The following FTO variants were observed in gnomAD, a reference collection of about 807,000 sequenced individuals.
The protein encoded by FTO is FTO alpha-ketoglutarate dependent dioxygenase.
FTO carries 47 observed loss-of-function variants against 63.9 expected under a neutral mutation model. The observed-to-expected ratio is 0.74, with a 90% CI of 0.58 to 0.94. The LOEUF (loss-of-function observed/expected upper bound fraction) is 0.94. FTO is among the 40% of genes least tolerant of loss of function. The pLI, the probability that FTO is intolerant of heterozygous loss-of-function variation, is 0.00. For missense variants in FTO, 562 were observed against 618.1 expected, an observed-to-expected ratio of 0.91 and a Z score of 0.96; for synonymous variants, 207 against 224.4, an observed-to-expected ratio of 0.92 and a Z score of 0.69.
At chr16:53,705,224 T>C (rs2075567948) in intron 1 of FTO, among the ~76,000 whole-genome samples, 1 of 152,146 alleles carries the variant, frequency 6.6e-6, no homozygotes, top group South Asian at 2.1e-4. Context: ...TTATGTCCCT[T>C]TCCTTTCTCC....
At chr16:54,075,437 C>T (rs1322414270) in intron 8 of FTO, among the ~76,000 whole-genome samples, 5 of 152,168 alleles carry the variant, frequency 3.3e-5, no homozygotes, top group Non-Finnish European at 7.3e-5. Context: ...AGAAAACCAA[C>T]AATTTTATTG....
intron 3 of FTO, among the ~76,000 whole-genome samples, chr16:53,828,199 G>A (rs1476149127): frequency 6.6e-6 from 1 of 152,104 alleles, no homozygotes; most frequent in Non-Finnish European, 1.5e-5. Flanking sequence ...AGAGCGGTGT[G>A]CAAACTCCTT....
intron 8 of FTO, among the ~76,000 whole-genome samples, chr16:53,986,691 A>G (rs566164780): frequency 3.3e-4 from 50 of 152,334 alleles, no homozygotes; most frequent in Admixed American, 2.3e-3. Context: ...AATCTCTAGT[A>G]GAGTGTGTCT....
chr16:54,012,213 C>T (rs1285647648), intron 8 of FTO, among the ~76,000 whole-genome samples: 6 of 152,122 alleles, frequency 3.9e-5, no homozygotes, highest in South Asian at 2.1e-4. Context: ...CTTGCTGATA[C>T]GGAGAGAGTT....
chr16:54,056,420 A>G (rs2085433933), intron 8 of FTO, among the ~76,000 whole-genome samples: 1 of 152,248 alleles, frequency 6.6e-6, no homozygotes, highest in Non-Finnish European at 1.5e-5. Flanking sequence ...AGAATTTCCA[A>G]GATGGCCCCC....
intron 1 of FTO, among the ~76,000 whole-genome samples, chr16:53,748,430 A>G (rs2076698203): frequency 6.6e-6 from 1 of 152,056 alleles, no homozygotes; most frequent in South Asian, 2.1e-4. Flanking sequence ...CTCACTCTTC[A>G]TAGAACTATT....
chr16:53,964,157 C>G (rs1212450516), intron 8 of FTO, among the ~76,000 whole-genome samples: 1 of 152,128 alleles, frequency 6.6e-6, no homozygotes, highest in Non-Finnish European at 1.5e-5. Flanking sequence ...AATTATAGGC[C>G]TTTGTTCAGG....
intron 3 of FTO, among the ~76,000 whole-genome samples, chr16:53,833,965 GA>G (rs1164864798): frequency 6.6e-6 from 1 of 152,020 alleles, no homozygotes; most frequent in Non-Finnish European, 1.5e-5. Context: ...ATGTATTCTA[GA>G]TATTAATTCC....
chr16:54,010,674 T>G (rs2084314457), intron 8 of FTO, among the ~76,000 whole-genome samples: 1 of 152,144 alleles, frequency 6.6e-6, no homozygotes, highest in African/African-American at 2.4e-5. Flanking sequence ...TTTAGGACAA[T>G]GAGAGTCACA....
In FTO at chr16:54,057,279, C is replaced by A. The variant is rs150314141; in HGVS notation, c.1365-54483C>A. Among the ~76,000 whole-genome samples, 6 of 152,364 alleles carry A rather than the reference C, an allele frequency of 3.9e-5. No individual in the cohort carries two copies. In the East Asian group the frequency reaches 1.2e-3, roughly 29 times the overall value. On this transcript the variant is annotated intron_variant, in intron 8 of 8. Coordinates refer to ENST00000471389, the MANE Select transcript of FTO (RefSeq NM_001080432.3). ...CGTGCTACATTGACTCCTTATGGAG[C>A]TGGCTGACCACTGTGGAAGAGAGAG...
At chr16:53,901,401 T>G (rs2081399400) in intron 7 of FTO, among the ~76,000 whole-genome samples, 2 of 152,238 alleles carry the variant, frequency 1.3e-5, no homozygotes, top group African/African-American at 4.8e-5. Context: ...CTTCATTGCC[T>G]CTTGTCCAGG....
At chr16:53,828,186 G>T (rs2151781542) in intron 3 of FTO, among the ~76,000 whole-genome samples, 1 of 152,282 alleles carries the variant, frequency 6.6e-6, no homozygotes, top group South Asian at 2.1e-4. Context: ...ATTTGAATCT[G>T]TAAGAGCGGT....
At chr16:53,823,979 G>A (rs923647872) in intron 2 of FTO, among the ~76,000 whole-genome samples, 1 of 152,192 alleles carries the variant, frequency 6.6e-6, no homozygotes, top group Non-Finnish European at 1.5e-5. Flanking sequence ...TACAACGTAT[G>A]TATTTCATCT....
In FTO at chr16:54,053,114, G is replaced by A. The variant is rs543420097; in HGVS notation, c.1365-58648G>A. On this transcript the variant is annotated intron_variant, in intron 8 of 8. Coordinates refer to ENST00000471389, the MANE Select transcript of FTO (RefSeq NM_001080432.3). ...ATTTTGCTGTAGCAGATTTTACAGA[G>A]ATGAAACCATCTTGCCACTTCTATT... Among the ~76,000 whole-genome samples the A allele has an allele frequency of 5.3e-5, 8 of 152,326 alleles. No homozygotes were observed. In the South Asian group the frequency reaches 1.7e-3, roughly 32 times the overall value.
intron 7 of FTO, among the ~76,000 whole-genome samples, chr16:53,921,683 A>G (rs2082010703): frequency 6.6e-6 from 1 of 152,208 alleles, no homozygotes; most frequent in South Asian, 2.1e-4. Context: ...AGTATTAATT[A>G]TGTGAAATGT....
intron 8 of FTO, among the ~76,000 whole-genome samples, chr16:53,970,234 C>A (rs545969476): frequency 2.8e-4 from 42 of 152,106 alleles, no homozygotes; most frequent in Non-Finnish European, 5.1e-4. Flanking sequence ...TCATTTGCCT[C>A]CCTTAATCAT....
At chr16:53,786,885 G>A (rs1372014264) in intron 1 of FTO, among the ~76,000 whole-genome samples, 1 of 151,962 alleles carries the variant, frequency 6.6e-6, no homozygotes, top group Non-Finnish European at 1.5e-5. Flanking sequence ...GCTGAGGCGG[G>A]CAGATCATGA....
chr16:53,806,134 GT>G (rs1209637963), intron 1 of FTO, among the ~76,000 whole-genome samples: 11 of 152,100 alleles, frequency 7.2e-5, no homozygotes. Context: ...TGTCAGAGCT[GT>G]TTTTTTCCTC....
At chr16:53,993,970 C>G (rs2083873378) in intron 8 of FTO, 1 of 152,184 alleles carries the variant, frequency 6.6e-6, no homozygotes, top group African/African-American at 2.4e-5. Context: ...AGTCATTTCT[C>G]TAGCATTATA....
Sources: gnomAD v4.1 joint callset for allele counts (sites outside exome capture counted in the v4.1 genomes callset) on GRCh38, gnomAD v4.1.1 for gene constraint, MANE v1.5 for transcripts, NCBI Gene and HGNC (gene_info 2026-07-23, HGNC 2026-07-21) for gene names.